Variants in CCDC126 observed in about 807,000 individuals in gnomAD.
CCDC126 encodes coiled-coil domain containing 126.
CCDC126 carries 5 observed loss-of-function variants against 11.7 expected under a neutral mutation model. The observed-to-expected ratio is 0.43, with a 90% CI of 0.22 to 0.90. The LOEUF (loss-of-function observed/expected upper bound fraction) is 0.90. CCDC126 is among the 40% of genes least tolerant of loss of function. The probability of loss-of-function intolerance (pLI) is 0.27; values close to 1 mark genes in which losing one functional copy is unlikely to be tolerated. For missense variants in CCDC126, 150 were observed against 163.1 expected (o/e 0.92, Z 0.44); for synonymous variants, 60 against 61.9 (o/e 0.97, Z 0.14).
chr7:23,643,209 T>C lies in CCDC126; in HGVS notation c.*94T>C. ...TTGCTGGCTTAGGACAGAGCAATAC[T>C]TTACAATAAAAGCTCTACACATTTT... On this transcript the variant is annotated 3_prime_UTR_variant, in exon 4 of 4. Coordinates refer to ENST00000307471, the MANE Select transcript of CCDC126 (RefSeq NM_138771.4). 3 of 1,047,444 alleles carry C rather than the reference T, an allele frequency of 2.9e-6. No individual in the cohort carries two copies. The highest frequency in any genetic ancestry group is 4.1e-6 in the Non-Finnish European group (3 of 734,582). 64.9% of individuals were successfully genotyped at this position (1,047,444 alleles called of 1,614,324 possible).
At chr7:23,631,457 A>C (rs1260825285) in intron 3 of CCDC126, among the ~76,000 whole-genome samples, 1 of 152,176 alleles carries the variant, frequency 6.6e-6, no homozygotes, top group African/African-American at 2.4e-5. Flanking sequence ...AGATAATTTG[A>C]ATAGCCCTAT....
chr7:23,640,560 T>A (rs1783336552), intron 3 of CCDC126, among the ~76,000 whole-genome samples: 1 of 152,188 alleles, frequency 6.6e-6, no homozygotes, highest in African/African-American at 2.4e-5. Context: ...CACAGTGTTG[T>A]GCAGCCATCA....
intron 3 of CCDC126, among the ~76,000 whole-genome samples, chr7:23,639,094 T>G (rs1187833929): frequency 6.6e-6 from 1 of 152,064 alleles, no homozygotes; most frequent in Non-Finnish European, 1.5e-5. Context: ...TGTTTTATTT[T>G]GAAAATTTTC....
At chr7:23,617,393 T>C (rs1447951346) in intron 3 of CCDC126, among the ~76,000 whole-genome samples, 1 of 146,788 alleles carries the variant, frequency 6.8e-6, no homozygotes, top group Non-Finnish European at 1.5e-5. Context: ...AAAAAAAAGC[T>C]GTCTTTTGTT....
intron 3 of CCDC126, among the ~76,000 whole-genome samples, chr7:23,627,460 G>A (rs1257687419): frequency 6.6e-6 from 1 of 151,900 alleles, no homozygotes; most frequent in Non-Finnish European, 1.5e-5. Context: ...CCAGCTACTC[G>A]GGAGGCTGAA....
chr7:23,620,358 C>T (rs1401146343), intron 3 of CCDC126, among the ~76,000 whole-genome samples: 2 of 152,214 alleles, frequency 1.3e-5, no homozygotes, highest in South Asian at 2.1e-4. Context: ...TTTCATGTGT[C>T]TGTTGGCTGC....
chr7:23,638,727 TAA>T (rs70954398), intron 3 of CCDC126, among the ~76,000 whole-genome samples: 8,081 of 89,652 alleles, frequency 0.09, 803 homozygotes, highest in African/African-American at 0.27. Flanking sequence ...AAAAAAAAAT[TAA>T]AAAAAAAAAA....
At chr7:23,609,766 G>A (rs1782676109) in intron 2 of CCDC126, among the ~76,000 whole-genome samples, 1 of 152,178 alleles carries the variant, frequency 6.6e-6, no homozygotes, top group Non-Finnish European at 1.5e-5. Flanking sequence ...GGAGGCTGAG[G>A]CCAGAGGATA....
intron 3 of CCDC126, among the ~76,000 whole-genome samples, chr7:23,632,453 T>G (rs926135765): frequency 6.6e-6 from 1 of 152,198 alleles, no homozygotes; most frequent in African/African-American, 2.4e-5. Flanking sequence ...GATCAATCAT[T>G]GTAATACCAT....
intron 3 of CCDC126, among the ~76,000 whole-genome samples, chr7:23,614,381 C>A (rs1659812265): frequency 6.6e-6 from 1 of 152,214 alleles, no homozygotes; most frequent in South Asian, 2.1e-4. Context: ...GCAATTCAGT[C>A]TCGTTTTCAG....
At chr7:23,604,949 G>C (rs557919897) in intron 2 of CCDC126, among the ~76,000 whole-genome samples, 23 of 148,086 alleles carry the variant, frequency 1.6e-4, no homozygotes, top group Admixed American at 3.4e-4. Flanking sequence ...AGTGAGCCGA[G>C]ATTGAGCCAC....
Position 23,644,159 on chromosome 7 carries a change from T to C in CCDC126, c.*1044T>C, listed in dbSNP as rs749611363. The C allele has an allele frequency of 4.6e-5, 7 of 152,074 alleles. No homozygotes were observed. Among genetic ancestry groups the C allele is most frequent in the Non-Finnish European group, 8.8e-5 (6 of 67,938 alleles). 9.4% of individuals were successfully genotyped at this position (152,074 alleles called of 1,614,324 possible). A position where few individuals can be genotyped will look rare whatever the true frequency, so the allele number is the denominator to read the frequency against. Reference sequence around the variant, plus strand: ...TGAAATTTTGAATTTGTATAACAGATGCATTAGATATTCATTTTATATAAT... The same window carrying C: ...TGAAATTTTGAATTTGTATAACAGACGCATTAGATATTCATTTTATATAAT... On this transcript the variant is annotated 3_prime_UTR_variant, in exon 4 of 4. Coordinates refer to ENST00000307471, the MANE Select transcript of CCDC126 (RefSeq NM_138771.4).
At chr7:23,625,574 T>A (rs960592963) in intron 3 of CCDC126, among the ~76,000 whole-genome samples, 2 of 152,112 alleles carry the variant, frequency 1.3e-5, no homozygotes, top group African/African-American at 4.8e-5. Flanking sequence ...GTATTTCTTG[T>A]ACATATGAGA....
intron 3 of CCDC126, among the ~76,000 whole-genome samples, chr7:23,628,657 G>T (rs913852811): frequency 6.6e-6 from 1 of 152,098 alleles, no homozygotes; most frequent in African/African-American, 2.4e-5. Flanking sequence ...AGCCAGCCAG[G>T]AGTGAGAACT....
chr7:23,600,634 G>A (rs1483757225), intron 2 of CCDC126, among the ~76,000 whole-genome samples: 2 of 152,166 alleles, frequency 1.3e-5, no homozygotes, highest in African/African-American at 4.8e-5. Flanking sequence ...CTTTGGCTGA[G>A]TGAAAGCTTC....
At chr7:23,633,612 C>G (rs1255293010) in intron 3 of CCDC126, among the ~76,000 whole-genome samples, 1 of 152,090 alleles carries the variant, frequency 6.6e-6, no homozygotes, top group Non-Finnish European at 1.5e-5. Context: ...GCCTGTAATC[C>G]TAGCACTTTG....
intron 3 of CCDC126, among the ~76,000 whole-genome samples, chr7:23,618,456 G>A (rs904556016): frequency 4.6e-5 from 7 of 151,570 alleles, no homozygotes; most frequent in Non-Finnish European, 8.8e-5. Flanking sequence ...GGCCTACCAT[G>A]ACTAATAAAG....
At chr7:23,626,981 C>T (rs1783025705) in intron 3 of CCDC126, among the ~76,000 whole-genome samples, 1 of 152,078 alleles carries the variant, frequency 6.6e-6, no homozygotes, top group African/African-American at 2.4e-5. Flanking sequence ...TGTTTTCTTC[C>T]TATGTAATAT....
intron 2 of CCDC126, among the ~76,000 whole-genome samples, chr7:23,601,077 A>G (rs925802981): frequency 3.3e-5 from 5 of 151,186 alleles, no homozygotes; most frequent in Non-Finnish European, 5.9e-5. Flanking sequence ...AAAAGACTCC[A>G]TACACGTGTA....
Sources: gnomAD v4.1 joint callset for allele counts (sites outside exome capture counted in the v4.1 genomes callset) on GRCh38, gnomAD v4.1.1 for gene constraint, MANE v1.5 for transcripts, NCBI Gene and HGNC (gene_info 2026-07-23, HGNC 2026-07-21) for gene names.